DPYSL4: variants seen among roughly 807,000 people sequenced by gnomAD.
DPYSL4 encodes dihydropyrimidinase-related protein 4.
A neutral mutation model predicts 63.4 loss-of-function variants in DPYSL4; 43 were observed. The ratio of observed to expected loss-of-function variants is 0.68; its 90% CI spans 0.53 to 0.88. DPYSL4 has a LOEUF of 0.88. DPYSL4 is among the 40% of genes least tolerant of loss of function. The pLI is 0.00. For missense variants in DPYSL4, 733 were observed against 819.5 expected, an observed-to-expected ratio of 0.89 and a Z score of 1.29; for synonymous variants, 353 against 331.7, an observed-to-expected ratio of 1.06 and a Z score of -0.70.
intron 12 of DPYSL4, among the ~76,000 whole-genome samples, chr10:132,203,279 AG>A (rs1448288942): frequency 2.9e-5 from 2 of 69,558 alleles, no homozygotes; most frequent in African/African-American, 1.1e-4. Context: ...CAGCCACGGG[AG>A]CCCCCCCCCC....
chr10:132,204,822 C>A lies in DPYSL4; in HGVS notation c.1628-17C>A. The A allele has an allele frequency of 6.3e-7, 1 of 1,599,812 alleles. No individual in the cohort carries two copies. Among genetic ancestry groups the A allele is most frequent in the Non-Finnish European group, 8.5e-7 (1 of 1,172,230 alleles). On this transcript the variant is annotated splice_polypyrimidine_tract_variant and intron_variant, in intron 13 of 13. Coordinates refer to ENST00000338492, the MANE Select transcript of DPYSL4 (RefSeq NM_006426.3). The stretch of plus-strand genomic sequence containing the variant: ...CCCTGCCTCATTCTCCCCTGCCCAT[C>A]TGTGCCCTTTCTTCAGGGTCTCAGG...
chr10:132,202,911 C>G, intron 12 of DPYSL4, 86 bp downstream of exon 12: 1 of 1,472,588 alleles, frequency 6.8e-7, no homozygotes, highest in East Asian at 2.4e-5. Flanking sequence ...GTCAACCTGG[C>G]CCGGCCTCCC....
intron 12 of DPYSL4, 182 bp from the exon 13 acceptor site, chr10:132,203,580 G>A (rs1565047492): frequency 1.0e-5 from 6 of 596,916 alleles, no homozygotes; most frequent in South Asian, 6.3e-5. Flanking sequence ...GGAGGCGTGT[G>A]TGAACTTGGG....
rs770823188 is a variant in DPYSL4 at position 132,196,912 on chromosome 10, G to A, written c.530G>A (p.Ser177Asn). Reference protein sequence around the residue: ...FMAYKDRCQCSDSQMYEIFSI... With the variant: ...FMAYKDRCQCNDSQMYEIFSI... ...GCATACAAGGACCGGTGCCAGTGCA[G>A]CGACAGCCAGGTAAGGGCAGGCGTG... The change falls in exon 5 of 14, where the codon AGC (serine) becomes AAC (asparagine). Residue 177 changes from serine to asparagine, a missense_variant. Coordinates refer to ENST00000338492, the MANE Select transcript of DPYSL4 (RefSeq NM_006426.3). The A allele has an allele frequency of 6.2e-7, 1 of 1,612,114 alleles. No individual in the cohort carries two copies. The highest frequency in any genetic ancestry group is 1.1e-5 in the South Asian group (1 of 91,000).
In DPYSL4 at chr10:132,187,048, G is replaced by A. The variant is rs1385242930; in HGVS notation, c.-16G>A. The A allele has an allele frequency of 5.7e-6, 6 of 1,043,606 alleles. No individual in the cohort carries two copies. In the Admixed American group the frequency reaches 1.0e-4, roughly 18 times the overall value. 64.6% of individuals were successfully genotyped at this position (1,043,606 alleles called of 1,614,324 possible). ...CCCCGCTTGTGCCGCCCCTACCAGA[G>A]ACCCCCAGGAGCAGGATGTCCTTCC... On this transcript the variant is annotated 5_prime_UTR_variant, in exon 1 of 14. Transcript: ENST00000338492.
Position 132,200,925 on chromosome 10 carries a change from T to A in DPYSL4, c.1052T>A (p.Ile351Asn). The change falls in exon 10 of 14, where the codon ATC becomes AAC. Residue 351 changes from isoleucine (I) to asparagine (N), a missense_variant. Physicochemically the swap from Ile to Asn is moderately radical, Grantham distance 149 (BLOSUM62 -3). Coordinates refer to ENST00000338492, the MANE Select transcript of DPYSL4 (RefSeq NM_006426.3). The stretch of plus-strand genomic sequence containing the variant: ...GTGGGCAAGGACAACTTCGCGCTGA[T>A]CCCCGAGGGCACCAACGGCATTGAG... ...KAVGKDNFAL[I>N]PEGTNGIEER... 6.2e-7 allele frequency: 1 copy of A among 1,613,236 alleles called. No individual in the cohort carries two copies. The highest frequency in any genetic ancestry group is 8.5e-7 in the Non-Finnish European group (1 of 1,179,952).
At chr10:132,201,685 G>A (rs1391728652) in intron 10 of DPYSL4, among the ~76,000 whole-genome samples, 1 of 152,236 alleles carries the variant, frequency 6.6e-6, no homozygotes, top group Non-Finnish European at 1.5e-5. Context: ...TGGCTGCCTG[G>A]GTGGCACTCT....
intron 1 of DPYSL4, among the ~76,000 whole-genome samples, chr10:132,189,210 C>T (rs1017134730): frequency 1.3e-5 from 2 of 152,228 alleles, no homozygotes; most frequent in South Asian, 2.1e-4. Flanking sequence ...TCAGTCCTGC[C>T]GGGTCAGTTG....
Position 132,191,765 on chromosome 10 carries a change from T to C in DPYSL4, c.129-893T>C, listed in dbSNP as rs530216912. Among the ~76,000 whole-genome samples the C allele has an allele frequency of 2.0e-4, 19 of 94,142 alleles. 1 individual carries two copies. Among genetic ancestry groups the C allele is most frequent in the Non-Finnish European group, 2.9e-4 (13 of 45,178 alleles). The allele number at this position is 94,142 out of a possible 152,430, so 61.8% of individuals were successfully genotyped here. A position where few individuals can be genotyped will look rare whatever the true frequency, so the allele number is the denominator to read the frequency against. ...TTCCCACCTCTTGTGTACACACTGGTCACGTGGTATCCAGGCAGGTGCAAA... is the reference window on the plus strand; with the variant it reads ...TTCCCACCTCTTGTGTACACACTGGCCACGTGGTATCCAGGCAGGTGCAAA... On this transcript the variant is annotated intron_variant, in intron 2 of 13. Transcript: ENST00000338492.
intron 2 of DPYSL4, among the ~76,000 whole-genome samples, chr10:132,191,245 A>AT (rs1489930004): frequency 9.8e-5 from 8 of 81,370 alleles, no homozygotes; most frequent in South Asian, 4.3e-4. Context: ...AGGTGCAAAT[A>AT]GTTCCCAGCT....
At chr10:132,199,043 T>C in intron 8 of DPYSL4, 72 bp downstream of exon 8, 1 of 1,552,690 alleles carries the variant, frequency 6.4e-7, no homozygotes, top group East Asian at 2.3e-5. Flanking sequence ...CCTGGGGAGA[T>C]GCAGGTTCCC....
chr10:132,190,857 A>G, intron 2 of DPYSL4, 22 bp downstream of exon 2: 1 of 1,610,530 alleles, frequency 6.2e-7, no homozygotes, highest in Non-Finnish European at 8.5e-7. Context: ...CCGAAAATGA[A>G]AATACGTTCC....
At chr10:132,199,036 G>A (rs1441410471) in intron 8 of DPYSL4, 65 bp downstream of exon 8, 1 of 1,562,148 alleles carries the variant, frequency 6.4e-7, no homozygotes, top group South Asian at 1.2e-5. Flanking sequence ...GTGCAGCCCT[G>A]GGGAGATGCA....
Position 132,201,892 on chromosome 10 carries a change from A to G in DPYSL4, c.1111-54A>G, listed in dbSNP as rs1236371978. 14 of 1,562,946 alleles carry G rather than the reference A, an allele frequency of 9.0e-6. No individual in the cohort carries two copies. In the African/African-American group the frequency reaches 1.6e-4, roughly 18 times the overall value. On this transcript the variant is annotated intron_variant, in intron 10 of 13. Transcript: ENST00000338492. ...GGTGGCCCAGTGTCTGTCCTCGCGC[A>G]AGCCTCACCCCAACCCCACCCGTCG...
intron 1 of DPYSL4, among the ~76,000 whole-genome samples, chr10:132,190,474 G>C (rs778262326): frequency 2.6e-4 from 39 of 152,356 alleles, no homozygotes; most frequent in Admixed American, 5.2e-4. Flanking sequence ...ATGACCTGTG[G>C]CACTACCACA....
chr10:132,194,930 C>T lies in DPYSL4; in HGVS notation c.399C>T (p.Cys133=), dbSNP rs373822582. Residue 133 remains cysteine (C), a synonymous_variant, in exon 4 of 14, where the codon TGC becomes TGT. Transcript: ENST00000338492. ...WRERADSAAC[C]DYSLHVDITR... ...AGCGGGCGGACAGCGCGGCCTGCTG[C>T]GACTACTCCCTGCACGTGGACATCA... 3.1e-5 allele frequency: 50 copies of T among 1,612,082 alleles called. No individual in the cohort carries two copies. Among genetic ancestry groups the T allele is most frequent in the Middle Eastern group, 1.6e-4 (1 of 6,082 alleles).
intron 1 of DPYSL4, among the ~76,000 whole-genome samples, 164 bp downstream of exon 1, chr10:132,187,266 C>T (rs1271767186): frequency 6.6e-6 from 1 of 151,656 alleles, no homozygotes; most frequent in East Asian, 1.9e-4. Context: ...CCTTCGCGCC[C>T]CAGGGTCCGA....
At position 132,204,957 on chromosome 10, in the gene DPYSL4, T is replaced by C; in HGVS notation, c.*27T>C. The C allele has an allele frequency of 6.3e-7, 1 of 1,579,418 alleles. No homozygotes were observed. Among genetic ancestry groups the C allele is most frequent in the Non-Finnish European group, 8.6e-7 (1 of 1,162,822 alleles). ...CGCCCAGGACCGGCCCTGTGAGCCG[T>C]GCTGGCCCCACCCGAGGCCGCGGGG... On this transcript the variant is annotated 3_prime_UTR_variant, in exon 14 of 14. Transcript: ENST00000338492.
Position 132,197,048 on chromosome 10 carries a change from G to T in DPYSL4, c.568G>T (p.Asp190Tyr). Reference sequence around the variant, plus strand: ...GTACGAGATCTTCAGCATCATCCGGGACCTGGGGGCCTTGGCCCAGGTGCA... The same window carrying T: ...GTACGAGATCTTCAGCATCATCCGGTACCTGGGGGCCTTGGCCCAGGTGCA... ...QMYEIFSIIR[D>Y]LGALAQVHAE... Residue 190 changes from aspartate to tyrosine, a missense_variant, in exon 6 of 14, where the codon GAC (aspartate) becomes TAC (tyrosine). Physicochemically the swap from Asp to Tyr is radical, Grantham distance 160. Transcript: ENST00000338492. 6.3e-7 allele frequency: 1 copy of T among 1,589,576 alleles called. No homozygotes were observed. Among genetic ancestry groups the T allele is most frequent in the Non-Finnish European group, 8.6e-7 (1 of 1,166,446 alleles).
Sources: gnomAD v4.1 joint callset for allele counts (sites outside exome capture counted in the v4.1 genomes callset) on GRCh38, gnomAD v4.1.1 for gene constraint, MANE v1.5 for transcripts, NCBI Gene and HGNC (gene_info 2026-07-23, HGNC 2026-07-21) for gene names.